PRKN: variants seen among roughly 807,000 people sequenced by gnomAD.
PRKN encodes E3 ubiquitin-protein ligase parkin.
Under a neutral mutation model 59.5 loss-of-function variants are expected in PRKN, and 56 were observed. The observed-to-expected ratio is 0.94, with a 90% CI of 0.76 to 1.18. The LOEUF is 1.18. PRKN is among the 50% of genes most tolerant of loss of function. PRKN has a pLI of 0.00. For missense variants in PRKN, 657 were observed against 596.4 expected (o/e 1.10, Z -1.06); for synonymous variants, 250 against 222.1 (o/e 1.13, Z -1.12).
chr6:162,376,978 G>A (rs1368474479), intron 2 of PRKN, among the ~76,000 whole-genome samples: 1 of 151,954 alleles, frequency 6.6e-6, no homozygotes, highest in East Asian at 1.9e-4. Flanking sequence ...GGGAGGTAGA[G>A]ACAGCAACAA....
intron 5 of PRKN, among the ~76,000 whole-genome samples, chr6:162,017,620 C>A (rs551785953): frequency 6.6e-6 from 1 of 152,124 alleles, no homozygotes; most frequent in African/African-American, 2.4e-5. Flanking sequence ...TCATTCTTCA[C>A]GACAAATATA....
At chr6:162,488,406 T>C (rs1316021737) in intron 1 of PRKN, among the ~76,000 whole-genome samples, 1 of 152,126 alleles carries the variant, frequency 6.6e-6, no homozygotes, top group Non-Finnish European at 1.5e-5. Flanking sequence ...TCTCCACAAA[T>C]CCACTCTTCA....
intron 6 of PRKN, among the ~76,000 whole-genome samples, chr6:161,930,613 G>T (rs1230732648): frequency 6.6e-6 from 1 of 152,186 alleles, no homozygotes; most frequent in Non-Finnish European, 1.5e-5. Context: ...AATCATTGTG[G>T]TAGGCAGAAT....
At chr6:161,759,625 C>T (rs1307563428) in intron 7 of PRKN, among the ~76,000 whole-genome samples, 1 of 152,182 alleles carries the variant, frequency 6.6e-6, no homozygotes, top group African/African-American at 2.4e-5. Flanking sequence ...CTGTCAATGT[C>T]ACTAACATAG....
chr6:161,700,081 C>A (rs1034697730), intron 7 of PRKN, among the ~76,000 whole-genome samples: 1 of 152,134 alleles, frequency 6.6e-6, no homozygotes. Context: ...CACTGCACTA[C>A]TAGATGCCAT....
chr6:162,339,426 G>A (rs1422898826), intron 2 of PRKN, among the ~76,000 whole-genome samples: 19 of 147,002 alleles, frequency 1.3e-4, no homozygotes, highest in African/African-American at 4.2e-4. Flanking sequence ...CGCCCCGTCC[G>A]GGAGGTGAGG....
chr6:162,207,877 G>A (rs1785020604), intron 3 of PRKN, among the ~76,000 whole-genome samples: 1 of 152,052 alleles, frequency 6.6e-6, no homozygotes, highest in African/African-American at 2.4e-5. Context: ...ATTTTTAATG[G>A]GGTGAAAACT....
In PRKN at chr6:162,365,656, C is replaced by A. The variant is rs114768507; in HGVS notation, c.171+77654G>T. Among the ~76,000 whole-genome samples, 851 of 152,256 alleles carry A rather than the reference C, an allele frequency of 5.6e-3. 11 individuals are homozygous for A. Among genetic ancestry groups the A allele is most frequent in the African/African-American group, 0.019 (792 of 41,554 alleles). On this transcript the variant is annotated intron_variant, in intron 2 of 11. Transcript: ENST00000366898. ...GTATTGGCGTGGTGGTTCCTGCTGT[C>A]TCATCACTCGCTCCAAGGTTACTTC... is the stretch of plus-strand genomic sequence containing the variant.
intron 1 of PRKN, among the ~76,000 whole-genome samples, chr6:162,597,799 C>A (rs1004824849): frequency 6.6e-6 from 1 of 152,162 alleles, no homozygotes; most frequent in African/African-American, 2.4e-5. Context: ...GTGACTTCCA[C>A]TAAGTCCTTT....
chr6:161,587,178 C>A (rs1041579167), intron 7 of PRKN, among the ~76,000 whole-genome samples: 2 of 152,174 alleles, frequency 1.3e-5, no homozygotes, highest in Non-Finnish European at 2.9e-5. Context: ...AGATTTATAG[C>A]CTGCATAAAT....
chr6:161,853,620 G>A (rs1793523421), intron 6 of PRKN, among the ~76,000 whole-genome samples: 1 of 152,136 alleles, frequency 6.6e-6, no homozygotes, highest in African/African-American at 2.4e-5. Flanking sequence ...AGTTTGCAAA[G>A]GTAAAATTAC....
chr6:161,846,088 G>T (rs1421396946), intron 6 of PRKN, among the ~76,000 whole-genome samples: 1 of 152,096 alleles, frequency 6.6e-6, no homozygotes. Context: ...AGGCTCCAAG[G>T]CTGTTATGCT....
chr6:161,468,599 A>G lies in PRKN; in HGVS notation c.1083+80255T>C, dbSNP rs529331847. Among the ~76,000 whole-genome samples, 1 of 152,162 alleles carries G rather than the reference A, an allele frequency of 6.6e-6. No individual in the cohort carries two copies. The highest frequency in any genetic ancestry group is 6.5e-5 in the Admixed American group (1 of 15,278). On this transcript the variant is annotated intron_variant, in intron 9 of 11. Transcript: ENST00000366898. The surrounding 1 kb of genome is among the most constrained non-coding windows in gnomAD (Gnocchi z 5.9). ...TCGTCTGCTATTATTTCAAATACTC[A>G]TATTTCAGGAAGGCTCAGATTTAAG...
intron 6 of PRKN, among the ~76,000 whole-genome samples, chr6:161,812,887 CAA>C (rs777078954): frequency 2.0e-5 from 3 of 152,166 alleles, no homozygotes; most frequent in Non-Finnish European, 4.4e-5. Context: ...GGCAATTCCA[CAA>C]AGTCTGCTCC....
chr6:161,759,823 G>A (rs1220114970), intron 7 of PRKN, among the ~76,000 whole-genome samples: 1 of 152,078 alleles, frequency 6.6e-6, no homozygotes, highest in Non-Finnish European at 1.5e-5. Context: ...GGGTTCCCCA[G>A]ATTTAGAAAT....
chr6:161,464,204 G>A (rs1013608346), intron 9 of PRKN, among the ~76,000 whole-genome samples: 1 of 152,102 alleles, frequency 6.6e-6, no homozygotes, highest in Admixed American at 6.6e-5. Context: ...AGTAGAGACA[G>A]GGTTTCTCCA....
chr6:162,356,593 A>G (rs1350654945), intron 2 of PRKN, among the ~76,000 whole-genome samples: 1 of 151,762 alleles, frequency 6.6e-6, no homozygotes, highest in Non-Finnish European at 1.5e-5. Context: ...ACATAAAGTT[A>G]TTTTGAGGAT....
intron 9 of PRKN, among the ~76,000 whole-genome samples, chr6:161,506,523 T>C (rs539933988): frequency 6.6e-6 from 1 of 152,316 alleles, no homozygotes; most frequent in East Asian, 1.9e-4. Flanking sequence ...GCAAACTCAA[T>C]AGAGGCTGAA....
intron 9 of PRKN, among the ~76,000 whole-genome samples, chr6:161,450,189 T>G (rs1789666157): frequency 6.6e-6 from 1 of 152,162 alleles, no homozygotes; most frequent in South Asian, 2.1e-4. Flanking sequence ...AGGGGGAAGG[T>G]GTATGGCCAA....
Sources: gnomAD v4.1 joint callset for allele counts (sites outside exome capture counted in the v4.1 genomes callset) on GRCh38, gnomAD v4.1.1 for gene constraint, Gnocchi (gnomAD v3.1) non-coding constraint, MANE v1.5 for transcripts, NCBI Gene and HGNC (gene_info 2026-07-23, HGNC 2026-07-21) for gene names.